The following AP1B1 variants were observed in gnomAD, a reference collection of about 807,000 sequenced individuals.
AP1B1 encodes the protein adaptor related protein complex 1 subunit beta 1.
In AP1B1, 36 loss-of-function variants were observed where a neutral mutation model predicts 104.3. The ratio of observed to expected loss-of-function variants is 0.35; its 90% CI spans 0.26 to 0.46. The LOEUF is 0.46. AP1B1 is among the 20% of genes least tolerant of loss of function. AP1B1 has a pLI of 1.00. For synonymous variants in AP1B1, 504 were observed against 517.5 expected (o/e 0.97, Z 0.35); for missense variants, 901 against 1,247.9 (o/e 0.72, Z 4.19).
intron 2 of AP1B1, among the ~76,000 whole-genome samples, chr22:29,363,504 C>T (rs763235070): frequency 5.9e-5 from 9 of 152,034 alleles, no homozygotes; most frequent in Non-Finnish European, 1.2e-4. Flanking sequence ...AAAAATTAGC[C>T]GGGCATAGTG....
At position 29,351,516 on chromosome 22, in the gene AP1B1, G is replaced by A. The variant is rs2061874298; in HGVS notation, c.1059+189C>T. ...AAGGGATGACAGGTGATAACATGGA[G>A]AAACATTCTTTAGTAATAAAAACAT... is the stretch of plus-strand genomic sequence containing the variant. On this transcript the variant is annotated intron_variant, in intron 8 of 22. Coordinates refer to ENST00000357586, the MANE Select transcript of AP1B1 (RefSeq NM_001127.4). 4.5e-6 allele frequency: 4 copies of A among 887,702 alleles called. No individual in the cohort carries two copies. The Admixed American group carries it at 1.1e-4, about 25-fold the overall frequency. The allele number at this position is 887,702 out of a possible 1,614,324, so 55.0% of individuals were successfully genotyped here. A position where few individuals can be genotyped will look rare whatever the true frequency, so the allele number is the denominator to read the frequency against.
chr22:29,337,691 C>T lies in AP1B1; in HGVS notation c.2163+1299G>A, dbSNP rs368811992. On this transcript the variant is annotated intron_variant, in intron 16 of 22. Coordinates refer to ENST00000357586, the MANE Select transcript of AP1B1 (RefSeq NM_001127.4). ...ACAACATGGCCCACACTGAGCTCTC[C>T]TCAGTGCCAGGCCCGCATGTCCTCA... 5.9e-5 allele frequency among the ~76,000 whole-genome samples: 9 copies of T among 152,316 alleles called. No homozygotes were observed. The East Asian group carries it at 7.7e-4, about 13-fold the overall frequency.
intron 7 of AP1B1, among the ~76,000 whole-genome samples, chr22:29,353,307 C>T (rs1404391872): frequency 1.3e-5 from 2 of 152,106 alleles, no homozygotes; most frequent in East Asian, 1.9e-4. Flanking sequence ...TTGTCGTGCC[C>T]CATGGGAGAG....
At chr22:29,385,742 A>C (rs2062511901) in intron 1 of AP1B1, among the ~76,000 whole-genome samples, 1 of 152,242 alleles carries the variant, frequency 6.6e-6, no homozygotes, top group Non-Finnish European at 1.5e-5. Flanking sequence ...GCTGAGAAAA[A>C]GAAATGTCTG....
chr22:29,379,663 G>A (rs55706837), intron 1 of AP1B1, among the ~76,000 whole-genome samples: 340 of 152,332 alleles, frequency 2.2e-3, no homozygotes, highest in Non-Finnish European at 3.7e-3. Flanking sequence ...GCCTCCAGAG[G>A]AGGAGGGTTC....
chr22:29,346,742 A>C (rs1307323311), intron 11 of AP1B1, among the ~76,000 whole-genome samples: 1 of 151,604 alleles, frequency 6.6e-6, no homozygotes, highest in East Asian at 1.9e-4. Flanking sequence ...CTTCTGAGAC[A>C]GAGGGAAGAG....
chr22:29,350,213 T>C (rs2061853801), intron 9 of AP1B1, 63 bp from the exon 10 acceptor site: 3 of 1,326,830 alleles, frequency 2.3e-6, no homozygotes, highest in Admixed American at 1.8e-5. Context: ...GAGCCTCTGA[T>C]GTCCACGCCT....
At chr22:29,386,854 A>G (rs2062531618) in intron 1 of AP1B1, among the ~76,000 whole-genome samples, 1 of 152,200 alleles carries the variant, frequency 6.6e-6, no homozygotes, top group South Asian at 2.1e-4. Flanking sequence ...AGATTCATAC[A>G]GCCTAGTCCT....
chr22:29,333,839 G>A (rs562096539), intron 17 of AP1B1, among the ~76,000 whole-genome samples: 54 of 152,122 alleles, frequency 3.5e-4, no homozygotes, highest in Middle Eastern at 6.8e-3. Flanking sequence ...CGAGGTGGGC[G>A]GATTGCCTGA....
chr22:29,349,995 C>T, intron 10 of AP1B1, 40 bp downstream of exon 10: 1 of 1,505,046 alleles, frequency 6.6e-7, no homozygotes, highest in Non-Finnish European at 9.3e-7. Context: ...TGTCCCCAGG[C>T]AGAGCTAGAT....
intron 1 of AP1B1, among the ~76,000 whole-genome samples, chr22:29,379,224 G>A (rs373927803): frequency 3.9e-5 from 6 of 152,094 alleles, no homozygotes; most frequent in Admixed American, 6.6e-5. Context: ...ATGGTGGCTC[G>A]CACCTATAGT....
chr22:29,382,497 T>C (rs190400064), intron 1 of AP1B1, among the ~76,000 whole-genome samples: 1 of 152,260 alleles, frequency 6.6e-6, no homozygotes, highest in African/African-American at 2.4e-5. Flanking sequence ...CTTCCCTACA[T>C]GGAGTTTATG....
chr22:29,334,626 G>A (rs2061611040), intron 16 of AP1B1, among the ~76,000 whole-genome samples: 2 of 152,182 alleles, frequency 1.3e-5, no homozygotes, highest in Admixed American at 6.5e-5. Flanking sequence ...GCTGCCTCTC[G>A]GAGCAGCTCA....
At chr22:29,376,306 A>G (rs2062340246) in intron 1 of AP1B1, among the ~76,000 whole-genome samples, 1 of 152,168 alleles carries the variant, frequency 6.6e-6, no homozygotes. Flanking sequence ...CTTCAATCAG[A>G]TGAGAAGTGT....
intron 5 of AP1B1, 100 bp downstream of exon 5, chr22:29,358,626 C>T (rs761542640): frequency 3.6e-5 from 54 of 1,480,110 alleles, no homozygotes; most frequent in Middle Eastern, 1.8e-4. Context: ...CAGGCTCCGA[C>T]TTCTAGGTAC....
In AP1B1 at chr22:29,329,615, A is replaced by T. The variant is rs950429220; in HGVS notation, c.2775+97T>A. On this transcript the variant is annotated intron_variant, in intron 22 of 22. Coordinates refer to ENST00000357586, the MANE Select transcript of AP1B1 (RefSeq NM_001127.4). Reference sequence around the variant, plus strand: ...GCCCCCCGGGTGAGGTGAGGCCAAGAGATGAGGTGCAGACAGGAGACATGG... The same window carrying T: ...GCCCCCCGGGTGAGGTGAGGCCAAGTGATGAGGTGCAGACAGGAGACATGG... 3.2e-6 allele frequency: 5 copies of T among 1,579,822 alleles called. No homozygotes were observed. In the African/African-American group the frequency reaches 4.1e-5, roughly 13 times the overall value.
At chr22:29,346,852 T>C (rs174768) in intron 11 of AP1B1, among the ~76,000 whole-genome samples, 14,940 of 152,190 alleles carry the variant, frequency 0.098, 933 homozygotes, top group Middle Eastern at 0.18. Flanking sequence ...TCTGTTGTTT[T>C]TGCTCACCCA....
At chr22:29,351,121 T>C (rs1360865469) in intron 9 of AP1B1, 50 bp downstream of exon 9, 2 of 1,544,382 alleles carry the variant, frequency 1.3e-6, no homozygotes, top group Non-Finnish European at 1.8e-6. Context: ...GTTTCCCGGT[T>C]TCAGCCCCCT....
At chr22:29,360,968 AC>A (rs1464847141) in intron 3 of AP1B1, among the ~76,000 whole-genome samples, 1 of 152,188 alleles carries the variant, frequency 6.6e-6, no homozygotes, top group African/African-American at 2.4e-5. Context: ...TTTATGTGTC[AC>A]CTTGGAAGAT....
Sources: allele counts gnomAD v4.1 joint callset (sites outside exome capture counted in the v4.1 genomes callset), GRCh38; gene constraint gnomAD v4.1.1; transcripts MANE v1.5; gene names NCBI Gene and HGNC (gene_info 2026-07-23, HGNC 2026-07-21).